The following CFAP299 variants were observed in gnomAD, a reference collection of about 807,000 sequenced individuals.
The protein encoded by CFAP299 is cilia- and flagella-associated protein 299.
CFAP299 carries 21 observed loss-of-function variants against 27.0 expected under a neutral mutation model. That is an observed-to-expected ratio of 0.78 (90% confidence interval 0.55 to 1.12). The LOEUF (loss-of-function observed/expected upper bound fraction) is 1.12, where lower values mean the gene tolerates loss of function less well. Among genes scored for constraint, CFAP299 ranks in the 50% most tolerant of loss-of-function variants. The pLI is 0.00. For missense variants in CFAP299, 310 were observed against 276.6 expected (o/e 1.12, Z -0.86); for synonymous variants, 104 against 98.1 (o/e 1.06, Z -0.36).
At chr4:80,815,473 C>T (rs1276266010) in intron 3 of CFAP299, among the ~76,000 whole-genome samples, 1 of 151,724 alleles carries the variant, frequency 6.6e-6, no homozygotes, top group Non-Finnish European at 1.5e-5. Flanking sequence ...AAATTTAAGA[C>T]AGAATATGAC....
intron 4 of CFAP299, among the ~76,000 whole-genome samples, chr4:80,933,546 A>G (rs1388090324): frequency 6.6e-6 from 1 of 152,100 alleles, no homozygotes; most frequent in Non-Finnish European, 1.5e-5. Flanking sequence ...GACATTTTTA[A>G]ATATTAATTA....
intron 3 of CFAP299, among the ~76,000 whole-genome samples, chr4:80,696,233 G>A (rs929021917): frequency 4.6e-5 from 7 of 151,074 alleles, no homozygotes; most frequent in East Asian, 2.0e-4. Context: ...CCTGGGAGGC[G>A]GAGGTTGCAG....
At chr4:80,675,514 A>C (rs1560692014) in intron 3 of CFAP299, among the ~76,000 whole-genome samples, 1 of 152,230 alleles carries the variant, frequency 6.6e-6, no homozygotes, top group Non-Finnish European at 1.5e-5. Context: ...TTGAGGAGGC[A>C]GTCTGTCCGT....
intron 2 of CFAP299, among the ~76,000 whole-genome samples, chr4:80,520,040 A>G (rs1732827493): frequency 6.6e-6 from 1 of 152,158 alleles, no homozygotes; most frequent in South Asian, 2.1e-4. Context: ...TGCCTCCCCT[A>G]TCTCCGTTCT....
chr4:80,731,535 C>A (rs1230944976), intron 3 of CFAP299, among the ~76,000 whole-genome samples: 7 of 152,294 alleles, frequency 4.6e-5, no homozygotes, highest in Non-Finnish European at 8.8e-5. Context: ...TGTTTCTTAA[C>A]ATGTTTTTGT....
chr4:80,773,591 T>G (rs561580577), intron 3 of CFAP299, among the ~76,000 whole-genome samples: 1 of 152,256 alleles, frequency 6.6e-6, no homozygotes, highest in South Asian at 2.1e-4. Context: ...TAATTTTCCT[T>G]TAAGTCCTGG....
At chr4:80,392,915 CT>C (rs1316157238) in intron 2 of CFAP299, among the ~76,000 whole-genome samples, 1 of 152,132 alleles carries the variant, frequency 6.6e-6, no homozygotes, top group East Asian at 1.9e-4. Context: ...AAAAAGTTAA[CT>C]GTAAAACAGC....
chr4:80,703,320 A>C (rs535841863), intron 3 of CFAP299, among the ~76,000 whole-genome samples: 1 of 151,840 alleles, frequency 6.6e-6, no homozygotes, highest in Non-Finnish European at 1.5e-5. Context: ...GTTAAAGACA[A>C]TGATGTGCTA....
intron 4 of CFAP299, among the ~76,000 whole-genome samples, chr4:80,906,958 G>C (rs1735216092): frequency 6.6e-6 from 1 of 152,116 alleles, no homozygotes; most frequent in African/African-American, 2.4e-5. Context: ...TCTGCAGCTG[G>C]CTTGAATTTC....
intron 3 of CFAP299, among the ~76,000 whole-genome samples, chr4:80,868,024 A>G (rs1732845630): frequency 6.6e-6 from 1 of 152,190 alleles, no homozygotes. Flanking sequence ...AGATTTATAC[A>G]CACATATGTA....
Position 80,854,810 on chromosome 4 carries a change from G to GAAA in CFAP299, c.334-15158_334-15156dup, listed in dbSNP as rs58533748. On this transcript the variant is annotated intron_variant, in intron 3 of 5. Transcript: ENST00000358105. The stretch of plus-strand genomic sequence containing the variant: ...TCTAGCCAAACTCAGCTGTTGCTAT[G>GAAA]AAAAAAAAAAAAAAAAAAAAAAAAA... 2.7e-3 allele frequency among the ~76,000 whole-genome samples: 116 copies of GAAA among 43,376 alleles called. 10 individuals are homozygous for GAAA. Among genetic ancestry groups the GAAA allele is most frequent in the African/African-American group, 7.9e-3 (108 of 13,724 alleles). The allele number at this position is 43,376 out of a possible 152,430, so 28.5% of individuals were successfully genotyped here.
At chr4:80,817,407 A>G (rs1183848740) in intron 3 of CFAP299, among the ~76,000 whole-genome samples, 1 of 152,132 alleles carries the variant, frequency 6.6e-6, no homozygotes, top group African/African-American at 2.4e-5. Flanking sequence ...AATAGATTTT[A>G]CAAGATCAAT....
At chr4:80,932,024 G>C (rs1179962125) in intron 4 of CFAP299, among the ~76,000 whole-genome samples, 1 of 152,088 alleles carries the variant, frequency 6.6e-6, no homozygotes, top group Non-Finnish European at 1.5e-5. Context: ...CAGGACTTTT[G>C]GAGCCTGAGA....
intron 3 of CFAP299, among the ~76,000 whole-genome samples, chr4:80,681,469 A>G (rs1719838974): frequency 6.6e-6 from 1 of 152,166 alleles, no homozygotes; most frequent in Non-Finnish European, 1.5e-5. Flanking sequence ...AGAAGTTGGA[A>G]AGCCTGTAGA....
intron 2 of CFAP299, among the ~76,000 whole-genome samples, chr4:80,501,610 G>T (rs1177205546): frequency 3.3e-5 from 5 of 149,902 alleles, no homozygotes; most frequent in African/African-American, 1.2e-4. Flanking sequence ...ATTAAAATTA[G>T]TTAAAAATTA....
At chr4:80,577,957 T>C (rs1370327458) in intron 2 of CFAP299, among the ~76,000 whole-genome samples, 1 of 152,216 alleles carries the variant, frequency 6.6e-6, no homozygotes, top group East Asian at 1.9e-4. Flanking sequence ...GACAACATAC[T>C]TAAATCATAA....
chr4:80,840,131 A>G (rs1447061542), intron 3 of CFAP299, among the ~76,000 whole-genome samples: 1 of 152,184 alleles, frequency 6.6e-6, no homozygotes, highest in Non-Finnish European at 1.5e-5. Flanking sequence ...TAATCTTTTT[A>G]TGAAAAATAT....
intron 2 of CFAP299, among the ~76,000 whole-genome samples, chr4:80,423,027 A>C (rs1281762433): frequency 1.3e-5 from 2 of 152,218 alleles, no homozygotes. Context: ...ATATTTGTAT[A>C]TCTAAACATA....
chr4:80,869,971 A>G (rs754846512), intron 3 of CFAP299, 22 bp from the exon 4 acceptor site: 7 of 1,579,076 alleles, frequency 4.4e-6, no homozygotes, highest in East Asian at 2.3e-5. Context: ...TTTTTGTCTT[A>G]TTCTCTATTC....
Sources: allele counts gnomAD v4.1 joint callset (sites outside exome capture counted in the v4.1 genomes callset), GRCh38; gene constraint gnomAD v4.1.1; transcripts MANE v1.5; gene names NCBI Gene and HGNC (gene_info 2026-07-23, HGNC 2026-07-21).